SLC25A26: variants seen among roughly 807,000 people sequenced by gnomAD.
SLC25A26 encodes solute carrier family 25 member 26, also known as mitochondrial S-adenosylmethionine carrier protein.
Under a neutral mutation model 37.8 loss-of-function variants are expected in SLC25A26, and 36 were observed. That is an observed-to-expected ratio of 0.95 (90% CI 0.73 to 1.26). SLC25A26 has a LOEUF of 1.26. Ranked by LOEUF, SLC25A26 falls within the 50% of genes most tolerant of loss-of-function variation. The probability of loss-of-function intolerance (pLI) is 0.00; values close to 1 mark genes in which losing one functional copy is unlikely to be tolerated. For synonymous variants in SLC25A26, 129 were observed against 122.5 expected, an observed-to-expected ratio of 1.05 and a Z score of -0.35; for missense variants, 390 against 331.1, an observed-to-expected ratio of 1.18 and a Z score of -1.38.
At chr3:66,319,744 C>CTTTTTTT (rs71105981) in intron 5 of SLC25A26, among the ~76,000 whole-genome samples, 3 of 92,090 alleles carry the variant, frequency 3.3e-5, no homozygotes, top group Non-Finnish European at 6.0e-5. Flanking sequence ...GCAATTAAAT[C>CTTTTTTT]TTTTTTTTTT....
chr3:66,135,156 A>C (rs1283274077), intron 1 of SLC25A26, among the ~76,000 whole-genome samples: 2 of 152,182 alleles, frequency 1.3e-5, no homozygotes, highest in African/African-American at 4.8e-5. Context: ...AATAAGGAAA[A>C]GCCTGGTTTT....
chr3:66,365,518 G>A (rs891083214), intron 7 of SLC25A26, among the ~76,000 whole-genome samples: 2 of 152,124 alleles, frequency 1.3e-5, no homozygotes, highest in African/African-American at 2.4e-5. Flanking sequence ...AAGTAATTAT[G>A]ACATTTGCTA....
chr3:66,196,949 G>A (rs1484420585), intron 1 of SLC25A26, among the ~76,000 whole-genome samples: 1 of 151,952 alleles, frequency 6.6e-6, no homozygotes, highest in South Asian at 2.1e-4. Flanking sequence ...TATCATCCAA[G>A]GCATATTTTG....
At chr3:66,197,212 T>C (rs901381274) in intron 1 of SLC25A26, among the ~76,000 whole-genome samples, 4 of 151,670 alleles carry the variant, frequency 2.6e-5, no homozygotes, top group African/African-American at 9.7e-5. Flanking sequence ...TAAACTCAGA[T>C]ATATATATAT....
At chr3:66,139,038 C>T (rs1029870972) in intron 1 of SLC25A26, among the ~76,000 whole-genome samples, 1 of 150,420 alleles carries the variant, frequency 6.6e-6, no homozygotes, top group Non-Finnish European at 1.5e-5. Flanking sequence ...CTCCTGTCCT[C>T]CTCCCCTCCC....
chr3:66,252,139 G>T (rs1391726295), intron 3 of SLC25A26, among the ~76,000 whole-genome samples: 1 of 152,196 alleles, frequency 6.6e-6, no homozygotes, highest in Non-Finnish European at 1.5e-5. Context: ...AGGAGGTTAG[G>T]ATTGGCCACT....
intron 1 of SLC25A26, among the ~76,000 whole-genome samples, chr3:66,154,995 G>A (rs190021340): frequency 6.6e-6 from 1 of 152,326 alleles, no homozygotes; most frequent in Admixed American, 6.5e-5. Flanking sequence ...TGGCTTAGGT[G>A]TCTTTGTTTA....
At chr3:66,274,345 G>A (rs2074057862) in intron 5 of SLC25A26, among the ~76,000 whole-genome samples, 1 of 151,730 alleles carries the variant, frequency 6.6e-6, no homozygotes, top group Admixed American at 6.6e-5. Flanking sequence ...CATGGGCAAG[G>A]ACTTCATGTC....
intron 3 of SLC25A26, among the ~76,000 whole-genome samples, chr3:66,247,241 T>A (rs975922575): frequency 2.0e-5 from 3 of 149,148 alleles, no homozygotes; most frequent in African/African-American, 7.3e-5. Context: ...TACTTCTTGA[T>A]GTTGGCTATT....
chr3:66,194,096 A>C (rs1249633443), intron 1 of SLC25A26, among the ~76,000 whole-genome samples: 1 of 152,224 alleles, frequency 6.6e-6, no homozygotes. Flanking sequence ...TGTGTTTGAA[A>C]ATGTGTCTTA....
intron 1 of SLC25A26, among the ~76,000 whole-genome samples, chr3:66,189,895 G>A (rs2070904133): frequency 6.6e-6 from 1 of 152,034 alleles, no homozygotes; most frequent in South Asian, 2.1e-4. Context: ...GAACTCCTCA[G>A]TTCAAGTGAT....
chr3:66,256,562 T>G (rs531880009), intron 3 of SLC25A26, among the ~76,000 whole-genome samples: 1 of 152,268 alleles, frequency 6.6e-6, no homozygotes, highest in South Asian at 2.1e-4. Context: ...ACTCTTTACA[T>G]AAGTATATGT....
Position 66,224,589 on chromosome 3 carries a change from C to G in SLC25A26, c.33+3462C>G, listed in dbSNP as rs147557010. On this transcript the variant is annotated intron_variant, in intron 1 of 9. Coordinates refer to ENST00000354883, the MANE Select transcript of SLC25A26 (RefSeq NM_001379210.1). ...ATTTGGGTGGGGACACAGAGCCAAA[C>G]CATATCATTCCACCCCTGGCCTCTC... is the stretch of plus-strand genomic sequence containing the variant. Among the ~76,000 whole-genome samples, 1,177 of 152,292 alleles carry G rather than the reference C, an allele frequency of 7.7e-3. 14 individuals carry two copies. The highest frequency in any genetic ancestry group is 0.027 in the African/African-American group (1,119 of 41,564).
intron 5 of SLC25A26, among the ~76,000 whole-genome samples, chr3:66,308,032 G>A (rs1011165778): frequency 6.6e-6 from 1 of 152,086 alleles, no homozygotes; most frequent in Non-Finnish European, 1.5e-5. Flanking sequence ...TTCTAATTCT[G>A]TGAAGAAAGT....
intron 5 of SLC25A26, among the ~76,000 whole-genome samples, chr3:66,268,145 A>G (rs747085575): frequency 5.9e-5 from 9 of 152,230 alleles, no homozygotes; most frequent in Non-Finnish European, 1.0e-4. Flanking sequence ...ATAGTAGTCC[A>G]TTGTATAAAC....
intron 5 of SLC25A26, among the ~76,000 whole-genome samples, chr3:66,328,645 T>G (rs1466659104): frequency 2.0e-5 from 3 of 152,184 alleles, no homozygotes; most frequent in Admixed American, 1.3e-4. Flanking sequence ...AAGAAATAAC[T>G]TAGGCATCTT....
At position 66,150,011 on chromosome 3, in the gene SLC25A26, C is replaced by A. The variant is rs556049760; in HGVS notation, c.-354+16027C>A. ...GGCCAACCTATGTTTATTCTGTGACCAAACGTGGGGCTTTTCAAGGTTCAT... is the reference window on the plus strand; with the variant it reads ...GGCCAACCTATGTTTATTCTGTGACAAAACGTGGGGCTTTTCAAGGTTCAT... On this transcript the variant is annotated intron_variant, in intron 1 of 10. Transcript: ENST00000676754. Among the ~76,000 whole-genome samples the A allele has an allele frequency of 1.1e-4, 16 of 152,094 alleles. No homozygotes were observed. The South Asian group carries it at 3.1e-3, about 30-fold the overall frequency.
chr3:66,325,869 C>T (rs1397808277), intron 5 of SLC25A26, among the ~76,000 whole-genome samples: 3 of 152,124 alleles, frequency 2.0e-5, no homozygotes, highest in Non-Finnish European at 2.9e-5. Context: ...CTTAATGTTG[C>T]TTCTGGCTCT....
chr3:66,193,557 CAAAT>C (rs1196980379), intron 1 of SLC25A26, among the ~76,000 whole-genome samples: 4 of 151,726 alleles, frequency 2.6e-5, no homozygotes, highest in African/African-American at 9.7e-5. Flanking sequence ...TGGCAGCTCA[CAAAT>C]AAATAAATAA....
Sources: gnomAD v4.1 joint callset for allele counts (sites outside exome capture counted in the v4.1 genomes callset) on GRCh38, gnomAD v4.1.1 for gene constraint, MANE v1.5 for transcripts, NCBI Gene and HGNC (gene_info 2026-07-23, HGNC 2026-07-21) for gene names.